The following SYT16 variants were observed in gnomAD, a reference collection of about 807,000 sequenced individuals.
SYT16 encodes the protein synaptotagmin-16.
A neutral mutation model predicts 61.4 loss-of-function variants in SYT16; 42 were observed. The observed-to-expected ratio is 0.68, with a 90% confidence interval of 0.53 to 0.89. The LOEUF (loss-of-function observed/expected upper bound fraction) is 0.89. Ranked by LOEUF, SYT16 falls within the 40% of genes least tolerant of loss-of-function variation. The pLI is 0.00. For synonymous variants in SYT16, 314 were observed against 302.3 expected, an observed-to-expected ratio of 1.04 and a Z score of -0.40; for missense variants, 804 against 807.3, an observed-to-expected ratio of 1.00 and a Z score of 0.05.
intron 1 of SYT16, among the ~76,000 whole-genome samples, chr14:61,820,144 C>G (rs1358492531): frequency 6.6e-6 from 1 of 152,178 alleles, no homozygotes; most frequent in Non-Finnish European, 1.5e-5. Flanking sequence ...CCCAAAGGTG[C>G]AGAACTCAGA....
chr14:61,842,289 T>G (rs949402040), intron 1 of SYT16, among the ~76,000 whole-genome samples: 17 of 152,230 alleles, frequency 1.1e-4, no homozygotes, highest in Admixed American at 1.1e-3. Flanking sequence ...TCTACTTTTT[T>G]GTACCCATTA....
intron 1 of SYT16, among the ~76,000 whole-genome samples, chr14:61,880,890 T>C: frequency 6.6e-6 from 1 of 152,132 alleles, no homozygotes; most frequent in East Asian, 1.9e-4. Flanking sequence ...TGGTTTTTGT[T>C]TTCTTTTTTC....
At chr14:61,934,100 T>C (rs2049884033) in intron 1 of SYT16, among the ~76,000 whole-genome samples, 2 of 152,228 alleles carry the variant, frequency 1.3e-5, no homozygotes, top group Admixed American at 6.5e-5. Context: ...TGTATAAACT[T>C]TTCATTCAAC....
chr14:62,002,485 T>A (rs1412883216), intron 3 of SYT16, among the ~76,000 whole-genome samples: 2 of 152,124 alleles, frequency 1.3e-5, no homozygotes, highest in Non-Finnish European at 2.9e-5. Flanking sequence ...ATGCATTACT[T>A]ATTGTTTGCT....
intron 1 of SYT16, among the ~76,000 whole-genome samples, chr14:61,926,676 A>G (rs558705413): frequency 6.6e-6 from 1 of 152,284 alleles, no homozygotes; most frequent in Non-Finnish European, 1.5e-5. Context: ...TGAAGTGGAA[A>G]TTCTTAACTT....
intron 2 of SYT16, among the ~76,000 whole-genome samples, chr14:61,980,148 G>A (rs189920180): frequency 6.6e-6 from 1 of 152,296 alleles, no homozygotes; most frequent in Admixed American, 6.5e-5. Context: ...AACTGGAAAG[G>A]TGGTCCCTAG....
At chr14:61,959,941 C>A (rs1256497099) in intron 1 of SYT16, among the ~76,000 whole-genome samples, 1 of 152,030 alleles carries the variant, frequency 6.6e-6, no homozygotes, top group Non-Finnish European at 1.5e-5. Context: ...AGTGATCCTC[C>A]CACCTTAGCC....
rs979001323 is a variant in SYT16 at position 62,104,461 on chromosome 14, A to G, written c.*3754A>G. On this transcript the variant is annotated 3_prime_UTR_variant, in exon 8 of 8. Transcript: ENST00000683842. ...TCTTAAAAATTATTCATTTGGGCAA[A>G]GTCATTTACAACAAAATAAAAAGTC... is the stretch of plus-strand genomic sequence containing the variant. 6.6e-6 allele frequency: 1 copy of G among 152,228 alleles called. No homozygotes were observed. The highest frequency in any genetic ancestry group is 6.5e-5 in the Admixed American group (1 of 15,282). The allele number at this position is 152,228 out of a possible 1,614,324, so 9.4% of individuals were successfully genotyped here.
intron 1 of SYT16, among the ~76,000 whole-genome samples, chr14:61,883,209 T>C (rs2047767535): frequency 1.3e-5 from 2 of 152,232 alleles, no homozygotes; most frequent in South Asian, 4.1e-4. Flanking sequence ...AATATTTGGC[T>C]TCTCATTACT....
At chr14:62,027,497 C>T (rs529330389) in intron 3 of SYT16, among the ~76,000 whole-genome samples, 1 of 152,320 alleles carries the variant, frequency 6.6e-6, no homozygotes, top group Admixed American at 6.5e-5. Context: ...AGGTTGTTAC[C>T]TATGTTTCAT....
intron 2 of SYT16, among the ~76,000 whole-genome samples, chr14:61,985,188 G>T (rs1354296327): frequency 6.6e-6 from 1 of 152,278 alleles, no homozygotes; most frequent in Admixed American, 6.5e-5. Context: ...AAGATAAAAT[G>T]TGTAGCAATA....
chr14:61,929,115 CG>C (rs1182500357), intron 1 of SYT16, among the ~76,000 whole-genome samples: 1 of 152,086 alleles, frequency 6.6e-6, no homozygotes, highest in Non-Finnish European at 1.5e-5. Context: ...AAGAGTGATC[CG>C]GGGATTACTA....
intron 1 of SYT16, among the ~76,000 whole-genome samples, chr14:61,900,216 T>A (rs1436485429): frequency 6.7e-6 from 1 of 148,900 alleles, no homozygotes; most frequent in Admixed American, 6.8e-5. Flanking sequence ...TGAAATGCAG[T>A]GGCGCAATCT....
At chr14:61,904,390 G>C (rs573953582) in intron 1 of SYT16, among the ~76,000 whole-genome samples, 1 of 152,200 alleles carries the variant, frequency 6.6e-6, no homozygotes, top group Admixed American at 6.5e-5. Context: ...GAGCAGCTCA[G>C]TGTAATGTGA....
At chr14:62,033,692 A>G (rs1959319) in intron 3 of SYT16, among the ~76,000 whole-genome samples, 57,830 of 105,548 alleles carry the variant, frequency 0.55, 11,871 homozygotes, top group East Asian at 0.61. Flanking sequence ...GCCTTCTCAT[A>G]TCATACACAC....
chr14:61,886,416 G>A (rs1342444454), intron 1 of SYT16, among the ~76,000 whole-genome samples: 2 of 152,128 alleles, frequency 1.3e-5, no homozygotes, highest in South Asian at 2.1e-4. Flanking sequence ...CAATCCTCTC[G>A]AACCTTGCCA....
At chr14:61,958,903 ATGTT>A (rs1223130158) in intron 1 of SYT16, among the ~76,000 whole-genome samples, 1 of 152,054 alleles carries the variant, frequency 6.6e-6, no homozygotes, top group South Asian at 2.1e-4. Flanking sequence ...AGATTTGTCA[ATGTT>A]TGTTTTATAT....
At chr14:62,059,270 A>G (rs188637902) in intron 3 of SYT16, among the ~76,000 whole-genome samples, 1 of 152,338 alleles carries the variant, frequency 6.6e-6, no homozygotes, top group South Asian at 2.1e-4. Flanking sequence ...ATTTATCGGT[A>G]TCTCATGTGA....
At chr14:61,837,140 G>A (rs2046155132) in intron 1 of SYT16, among the ~76,000 whole-genome samples, 1 of 152,078 alleles carries the variant, frequency 6.6e-6, no homozygotes, top group South Asian at 2.1e-4. Flanking sequence ...CCTCTATTCA[G>A]TGGTAAGTCT....
Sources: gnomAD v4.1 joint callset for allele counts (sites outside exome capture counted in the v4.1 genomes callset) on GRCh38, gnomAD v4.1.1 for gene constraint, MANE v1.5 for transcripts, NCBI Gene and HGNC (gene_info 2026-07-23, HGNC 2026-07-21) for gene names.